Variants in FERMT3 observed in about 807,000 individuals in gnomAD.
The protein encoded by FERMT3 is fermitin family homolog 3.
A neutral mutation model predicts 80.8 loss-of-function variants in FERMT3; 33 were observed. The ratio of observed to expected loss-of-function variants is 0.41; its 90% CI spans 0.31 to 0.55. FERMT3 has a LOEUF of 0.55. Ranked by LOEUF, FERMT3 falls within the 20% of genes least tolerant of loss-of-function variation. The pLI is 0.31. For synonymous variants in FERMT3, 375 were observed against 372.2 expected (o/e 1.01, Z -0.09); for missense variants, 754 against 908.7 (o/e 0.83, Z 2.19).
chr11:64,215,094 G>A (rs895220872), intron 6 of FERMT3, among the ~76,000 whole-genome samples: 1 of 152,200 alleles, frequency 6.6e-6, no homozygotes, highest in Admixed American at 6.5e-5. Context: ...ACAGGCATGA[G>A]CCACCACGCC....
rs543345454 is a variant in FERMT3 at position 64,213,473 on chromosome 11, G to A, written c.786+1726G>A. Among the ~76,000 whole-genome samples, 18 of 151,530 alleles carry A rather than the reference G, an allele frequency of 1.2e-4. No individual in the cohort carries two copies. In the South Asian group the frequency reaches 3.5e-3, roughly 30 times the overall value. ...TCACCATATTGGTCAGGCTGGTCTC[G>A]AACTCCTGACCTCAGGTGATCCACC... On this transcript the variant is annotated intron_variant, in intron 6 of 14. Transcript: ENST00000345728.
intron 2 of FERMT3, among the ~76,000 whole-genome samples, chr11:64,208,374 C>T (rs1433470223): frequency 2.0e-5 from 3 of 152,114 alleles, no homozygotes; most frequent in Admixed American, 2.0e-4. Context: ...CCCCAGGGCA[C>T]GGCATGAGGG....
chr11:64,223,006 G>A (rs769539253), intron 13 of FERMT3, 42 bp from the exon 14 acceptor site: 1 of 1,612,014 alleles, frequency 6.2e-7, no homozygotes, highest in East Asian at 2.2e-5. Context: ...CTCTGGCCAT[G>A]CAGGGTGGAG....
chr11:64,221,259 C>T, intron 13 of FERMT3, 119 bp downstream of exon 13: 1 of 1,032,274 alleles, frequency 9.7e-7, no homozygotes, highest in Admixed American at 2.0e-5. Flanking sequence ...GACTCCCTTC[C>T]CTTGTTCTTT....
In FERMT3 at chr11:64,210,890, G is replaced by A. The variant is rs771614851; in HGVS notation, c.394+46G>A. On this transcript the variant is annotated intron_variant, in intron 3 of 14. Coordinates refer to ENST00000345728, the MANE Select transcript of FERMT3 (RefSeq NM_031471.6). This position sits in a 1 kb window ranked among gnomAD's most constrained non-coding sequence, Gnocchi z 4.3. ...CCCTGGCCCACGAGGGTGATGCAAA[G>A]AGGCAGGTTCCCCCGTTTCCAGGCC... 2.7e-5 allele frequency: 44 copies of A among 1,609,254 alleles called. No homozygotes were observed. The highest frequency in any genetic ancestry group is 3.4e-5 in the Non-Finnish European group (40 of 1,179,520).
intron 2 of FERMT3, 188 bp downstream of exon 2, chr11:64,207,712 C>T (rs1053798800): frequency 1.8e-4 from 119 of 658,580 alleles, no homozygotes; most frequent in Middle Eastern, 1.3e-3. Context: ...CACCCTCTTC[C>T]CTCCCTCCCT....
chr11:64,213,057 ATTT>A (rs762891516), intron 6 of FERMT3, among the ~76,000 whole-genome samples: 3 of 140,312 alleles, frequency 2.1e-5, no homozygotes, highest in Non-Finnish European at 1.6e-5. Flanking sequence ...TACCTGGCTA[ATTT>A]TTTTTTTTTT....
intron 6 of FERMT3, among the ~76,000 whole-genome samples, chr11:64,214,824 G>T (rs563113613): frequency 6.9e-6 from 1 of 144,238 alleles, no homozygotes; most frequent in South Asian, 2.2e-4. Flanking sequence ...TTTTTTGAGA[G>T]GGAGTTTCAT....
Position 64,220,278 on chromosome 11 carries a change from A to G in FERMT3, c.1263A>G (p.Leu421=). ...GCCAGAAGTTCTGCATTAAACTCCT[A>G]GTGCCCTCCCCTGAGGGCATGAGTG... ...VSGQKFCIKL[L]VPSPEGMSEI... is the part of the protein sequence containing the mutation. The change falls in exon 11 of 15, where the codon CTA becomes CTG. Residue 421 remains leucine, a synonymous_variant. Coordinates refer to ENST00000345728, the MANE Select transcript of FERMT3 (RefSeq NM_031471.6). 3 of 1,613,866 alleles carry G rather than the reference A, an allele frequency of 1.9e-6. No individual in the cohort carries two copies. The highest frequency in any genetic ancestry group is 2.5e-6 in the Non-Finnish European group (3 of 1,179,976).
chr11:64,222,784 CA>C (rs765698703), intron 13 of FERMT3, among the ~76,000 whole-genome samples: 6 of 152,104 alleles, frequency 3.9e-5, no homozygotes, highest in Non-Finnish European at 8.8e-5. Flanking sequence ...AGGATGGTAA[CA>C]AAAACCAAAA....
In FERMT3 at chr11:64,211,243, C is replaced by T. The variant is rs1323646403; in HGVS notation, c.515-32C>T. ...GCCCGTGAGTCCCAGCCCTGGGGGA[C>T]AGGCCTGGTTGACTCCCAACCTGCA... On this transcript the variant is annotated intron_variant, in intron 4 of 14. Coordinates refer to ENST00000345728, the MANE Select transcript of FERMT3 (RefSeq NM_031471.6). The surrounding 1 kb of genome is among the most constrained non-coding windows in gnomAD (Gnocchi z 4.7). 1 of 1,612,328 alleles carries T rather than the reference C, an allele frequency of 6.2e-7. No individual in the cohort carries two copies. Among genetic ancestry groups the T allele is most frequent in the Non-Finnish European group, 8.5e-7 (1 of 1,179,684 alleles).
At position 64,210,887 on chromosome 11, in the gene FERMT3, A is replaced by G; in HGVS notation, c.394+43A>G. On this transcript the variant is annotated intron_variant, in intron 3 of 14. Coordinates refer to ENST00000345728, the MANE Select transcript of FERMT3 (RefSeq NM_031471.6). The surrounding 1 kb of genome is among the most constrained non-coding windows in gnomAD (Gnocchi z 4.3). ...TTCCCCTGGCCCACGAGGGTGATGCAAAGAGGCAGGTTCCCCCGTTTCCAG... is the reference window on the plus strand; with the variant it reads ...TTCCCCTGGCCCACGAGGGTGATGCGAAGAGGCAGGTTCCCCCGTTTCCAG... 1.2e-6 allele frequency: 2 copies of G among 1,609,224 alleles called. No individual in the cohort carries two copies. The highest frequency in any genetic ancestry group is 1.7e-6 in the Non-Finnish European group (2 of 1,179,460).
Position 64,210,900 on chromosome 11 carries a change from C to G in FERMT3, c.394+56C>G. ...CGAGGGTGATGCAAAGAGGCAGGTT[C>G]CCCCGTTTCCAGGCCCAGCTCTGTT... On this transcript the variant is annotated intron_variant, in intron 3 of 14. Transcript: ENST00000345728. The surrounding 1 kb of genome is among the most constrained non-coding windows in gnomAD (Gnocchi z 4.3). 6.2e-7 allele frequency: 1 copy of G among 1,608,548 alleles called. No homozygotes were observed. The highest frequency in any genetic ancestry group is 8.5e-7 in the Non-Finnish European group (1 of 1,178,890).
In FERMT3 at chr11:64,211,487, C is replaced by G. The variant is rs1024750894; in HGVS notation, c.683+44C>G. ...CCCCCTGTGTCAGGGCTCCCCCACC[C>G]AGGATCCACCCCCTGTCCCGTGTCT... On this transcript the variant is annotated intron_variant, in intron 5 of 14. Coordinates refer to ENST00000345728, the MANE Select transcript of FERMT3 (RefSeq NM_031471.6). The surrounding 1 kb of genome is among the most constrained non-coding windows in gnomAD (Gnocchi z 4.7). The G allele has an allele frequency of 1.3e-6, 2 of 1,543,666 alleles. No homozygotes were observed. The highest frequency in any genetic ancestry group is 2.7e-5 in the African/African-American group (2 of 73,330).
chr11:64,220,005 C>G lies in FERMT3; in HGVS notation c.1194C>G (p.Leu398=). 6.2e-7 allele frequency: 1 copy of G among 1,613,526 alleles called. No individual in the cohort carries two copies. The highest frequency in any genetic ancestry group is 8.5e-7 in the Non-Finnish European group (1 of 1,179,932). ...CCCCTGGGGACCCCATTCAGCAGCT[C>G]AACCTCAAGGGTAAGTGCACAGGGC... is the stretch of plus-strand genomic sequence containing the variant. ...DEAPGDPIQQ[L]NLKGCEVVPD... is the part of the protein sequence containing the mutation. The change falls in exon 10 of 15, where the codon CTC becomes CTG. Residue 398 remains leucine (L), a synonymous_variant. Transcript: ENST00000345728.
At position 64,210,317 on chromosome 11, in the gene FERMT3, G is replaced by A. The variant is rs1946407883; in HGVS notation, c.161-294G>A. On this transcript the variant is annotated intron_variant, in intron 2 of 14. Transcript: ENST00000345728. This position sits in a 1 kb window ranked among gnomAD's most constrained non-coding sequence, Gnocchi z 4.3. ...GGCGTCATGTGGAGGGAGCCCAGTG[G>A]GCTGGAATGCAAGAGATGGGGCGCT... Among the ~76,000 whole-genome samples, 1 of 152,196 alleles carries A rather than the reference G, an allele frequency of 6.6e-6. No homozygotes were observed. Among genetic ancestry groups the A allele is most frequent in the African/African-American group, 2.4e-5 (1 of 41,444 alleles).
Position 64,219,574 on chromosome 11 carries a change from C to T in FERMT3, c.945C>T (p.Gly315=). The T allele has an allele frequency of 6.2e-7, 1 of 1,612,352 alleles. No individual in the cohort carries two copies. The highest frequency in any genetic ancestry group is 8.5e-7 in the Non-Finnish European group (1 of 1,179,880). The change falls in exon 8 of 15, where the codon GGC becomes GGT. Residue 315 remains glycine, a synonymous_variant. Coordinates refer to ENST00000345728, the MANE Select transcript of FERMT3 (RefSeq NM_031471.6). This position sits in a 1 kb window ranked among gnomAD's most constrained non-coding sequence, Gnocchi z 4.0. ...GCGGGGAGGTGGGGGAGCCGGCTGG[C>T]ACAGACCCAGGGCTGGACGACCTGG... ...SQSGEVGEPA[G]TDPGLDDLDV...
rs766045189 is a variant in FERMT3, at chr11:64,221,004, A to G, written c.1546-12A>G. ...TAGTGCCTGGCAGCCCGTCACCAGTATGGTCCCGCAGCTCACCCCACGGAT... is the reference window on the plus strand; with the variant it reads ...TAGTGCCTGGCAGCCCGTCACCAGTGTGGTCCCGCAGCTCACCCCACGGAT... On this transcript the variant is annotated splice_polypyrimidine_tract_variant and intron_variant, in intron 12 of 14. Coordinates refer to ENST00000345728, the MANE Select transcript of FERMT3 (RefSeq NM_031471.6). 128 of 1,610,916 alleles carry G rather than the reference A, an allele frequency of 7.9e-5. No individual in the cohort carries two copies. Among genetic ancestry groups the G allele is most frequent in the Non-Finnish European group, 9.5e-5 (112 of 1,179,606 alleles).
At chr11:64,220,827 G>A in intron 12 of FERMT3, 158 bp downstream of exon 12, 1 of 1,288,258 alleles carries the variant, frequency 7.8e-7, no homozygotes, top group Non-Finnish European at 1.1e-6. Flanking sequence ...CCTTTGGGAG[G>A]AGTCACGGTC....
Sources: gnomAD v4.1 joint callset for allele counts (sites outside exome capture counted in the v4.1 genomes callset) on GRCh38, gnomAD v4.1.1 for gene constraint, Gnocchi (gnomAD v3.1) non-coding constraint, MANE v1.5 for transcripts, NCBI Gene and HGNC (gene_info 2026-07-23, HGNC 2026-07-21) for gene names.